Variants in MGAT4C observed in about 807,000 individuals in gnomAD.
MGAT4C encodes MGAT4 family member C.
MGAT4C carries 19 observed loss-of-function variants against 40.1 expected under a neutral mutation model. The observed-to-expected ratio is 0.47, with a 90% CI of 0.33 to 0.70. The LOEUF is 0.70. Among genes scored for constraint, MGAT4C ranks in the 30% least tolerant of loss-of-function variants. The pLI, the probability that MGAT4C is intolerant of heterozygous loss-of-function variation, is 0.02. For missense variants in MGAT4C, 491 were observed against 563.2 expected, an observed-to-expected ratio of 0.87 and a Z score of 1.30; for synonymous variants, 181 against 187.1, an observed-to-expected ratio of 0.97 and a Z score of 0.27.
chr12:86,573,253 G>A (rs536748593), intron 2 of MGAT4C, among the ~76,000 whole-genome samples: 15 of 152,030 alleles, frequency 9.9e-5, no homozygotes, highest in African/African-American at 3.6e-4. Context: ...GGTTTTACTT[G>A]TGATCATAAT....
chr12:86,376,624 A>T (rs1955826805), intron 3 of MGAT4C, among the ~76,000 whole-genome samples: 1 of 152,120 alleles, frequency 6.6e-6, no homozygotes, highest in South Asian at 2.1e-4. Flanking sequence ...CAAAAATAGG[A>T]GGAATAAACA....
chr12:86,354,839 G>T (rs932438648), intron 3 of MGAT4C, among the ~76,000 whole-genome samples: 2 of 152,156 alleles, frequency 1.3e-5, no homozygotes, highest in Non-Finnish European at 2.9e-5. Context: ...AGACCTTCAC[G>T]GTGAGTGTTA....
intron 2 of MGAT4C, among the ~76,000 whole-genome samples, chr12:85,993,803 C>T (rs919973281): frequency 1.1e-4 from 16 of 152,176 alleles, no homozygotes; most frequent in African/African-American, 2.4e-4. Context: ...CTTGTGGACC[C>T]GCAGACCCCA....
intron 1 of MGAT4C, among the ~76,000 whole-genome samples, chr12:86,215,989 A>G (rs1950656050): frequency 6.6e-6 from 1 of 152,148 alleles, no homozygotes; most frequent in Non-Finnish European, 1.5e-5. Flanking sequence ...ATTGGATCCC[A>G]TAAATAACTG....
At chr12:86,307,541 G>T (rs1953965936) in intron 4 of MGAT4C, among the ~76,000 whole-genome samples, 1 of 150,440 alleles carries the variant, frequency 6.6e-6, no homozygotes, top group African/African-American at 2.5e-5. Context: ...TGCTGTCTAT[G>T]CTCGGGCAAC....
At chr12:86,373,240 A>G (rs1955756484) in intron 3 of MGAT4C, among the ~76,000 whole-genome samples, 1 of 151,960 alleles carries the variant, frequency 6.6e-6, no homozygotes, top group African/African-American at 2.4e-5. Context: ...GTTTGATTAC[A>G]AATGCTATTT....
intron 1 of MGAT4C, among the ~76,000 whole-genome samples, chr12:86,071,234 A>T (rs1868396449): frequency 1.3e-5 from 2 of 152,054 alleles, no homozygotes; most frequent in Non-Finnish European, 1.5e-5. Flanking sequence ...ACAGGGAAAA[A>T]ATATAGATCC....
intron 2 of MGAT4C, among the ~76,000 whole-genome samples, chr12:86,040,323 T>C (rs1891673622): frequency 6.6e-6 from 1 of 152,226 alleles, no homozygotes; most frequent in Non-Finnish European, 1.5e-5. Context: ...CTGCTGAAGC[T>C]GTGCACCCAA....
At chr12:86,690,063 C>G (rs4842819) in intron 2 of MGAT4C, among the ~76,000 whole-genome samples, 1 of 152,098 alleles carries the variant, frequency 6.6e-6, no homozygotes, top group Admixed American at 6.5e-5. Flanking sequence ...CTTTGCCTCA[C>G]TGTGGTAGGT....
chr12:86,292,441 CTT>C (rs5799775), intron 4 of MGAT4C, among the ~76,000 whole-genome samples: 2 of 148,334 alleles, frequency 1.3e-5, no homozygotes, highest in South Asian at 2.1e-4. Context: ...AACCCTACTA[CTT>C]TTTTTTTTAG....
intron 4 of MGAT4C, among the ~76,000 whole-genome samples, chr12:86,290,084 T>C (rs1953468942): frequency 1.3e-5 from 2 of 152,008 alleles, no homozygotes. Flanking sequence ...TCTTGCTCTG[T>C]CACCCATGCT....
At chr12:86,322,289 G>A (rs1424281623) in intron 4 of MGAT4C, among the ~76,000 whole-genome samples, 5 of 151,304 alleles carry the variant, frequency 3.3e-5, no homozygotes, top group Non-Finnish European at 7.4e-5. Context: ...GAGTTAAGGG[G>A]TGCAGCCCAC....
At chr12:86,782,057 A>G (rs1215062554) in intron 1 of MGAT4C, among the ~76,000 whole-genome samples, 4 of 150,952 alleles carry the variant, frequency 2.6e-5, no homozygotes, top group Non-Finnish European at 5.9e-5. Context: ...CAGTGGCGTG[A>G]TCTCGGCTTA....
intron 1 of MGAT4C, among the ~76,000 whole-genome samples, chr12:86,241,500 T>C (rs1296407490): frequency 6.6e-6 from 1 of 152,184 alleles, no homozygotes; most frequent in Non-Finnish European, 1.5e-5. Flanking sequence ...TCATAGCTTA[T>C]AATTTGATAC....
intron 4 of MGAT4C, among the ~76,000 whole-genome samples, chr12:86,287,805 A>G (rs1402031017): frequency 7.2e-5 from 11 of 152,196 alleles, no homozygotes; most frequent in Non-Finnish European, 2.9e-5. Flanking sequence ...TGCTGCAGTA[A>G]TCATACGTAT....
chr12:86,320,890 C>T (rs1203476988), intron 4 of MGAT4C, among the ~76,000 whole-genome samples: 1 of 152,058 alleles, frequency 6.6e-6, no homozygotes, highest in Admixed American at 6.6e-5. Flanking sequence ...CAGCTCTAAT[C>T]GTTACCACAT....
At chr12:86,790,893 T>C (rs931427275) in intron 1 of MGAT4C, among the ~76,000 whole-genome samples, 1 of 152,134 alleles carries the variant, frequency 6.6e-6, no homozygotes, top group African/African-American at 2.4e-5. Context: ...GTGTTTTTAA[T>C]GTTCAGACAA....
At chr12:86,414,259 T>G (rs1476002154) in intron 3 of MGAT4C, among the ~76,000 whole-genome samples, 1 of 152,048 alleles carries the variant, frequency 6.6e-6, no homozygotes, top group Non-Finnish European at 1.5e-5. Context: ...ACATAAAGAT[T>G]CTAAGAATGG....
intron 2 of MGAT4C, among the ~76,000 whole-genome samples, chr12:86,695,189 A>G (rs1950234586): frequency 6.6e-6 from 1 of 152,234 alleles, no homozygotes. Context: ...ATTGATTATC[A>G]GCAAAATGCA....
Sources: gnomAD v4.1 joint callset for allele counts (sites outside exome capture counted in the v4.1 genomes callset) on GRCh38, gnomAD v4.1.1 for gene constraint, MANE v1.5 for transcripts, NCBI Gene and HGNC (gene_info 2026-07-23, HGNC 2026-07-21) for gene names.